RASEF: variants seen among roughly 807,000 people sequenced by gnomAD.
The protein encoded by RASEF is ras and EF-hand domain-containing protein.
In RASEF, 68 loss-of-function variants were observed where a neutral mutation model predicts 90.1. That is an observed-to-expected ratio of 0.75 (90% CI 0.62 to 0.92). The LOEUF (loss-of-function observed/expected upper bound fraction) is 0.92, where lower values mean the gene tolerates loss of function less well. RASEF is among the 40% of genes least tolerant of loss of function. RASEF has a pLI of 0.00. For missense variants in RASEF, 949 were observed against 937.2 expected (o/e 1.01, Z -0.16); for synonymous variants, 331 against 345.2 (o/e 0.96, Z 0.46).
At chr9:83,055,921 A>G (rs1193999465) in intron 1 of RASEF, among the ~76,000 whole-genome samples, 1 of 152,204 alleles carries the variant, frequency 6.6e-6, no homozygotes, top group East Asian at 1.9e-4. Flanking sequence ...TTTCCCATTC[A>G]TTATTCCACA....
At chr9:83,177,804 A>G in the RASEF span, among the ~76,000 whole-genome samples, 1 of 151,990 alleles carries the variant, frequency 6.6e-6, no homozygotes, top group Non-Finnish European at 1.5e-5. Context: ...AAATTTGGGA[A>G]GTTATTATTT....
the RASEF span, among the ~76,000 whole-genome samples, chr9:83,134,134 C>T: frequency 1.3e-5 from 2 of 151,936 alleles, no homozygotes; most frequent in Admixed American, 6.6e-5. Context: ...CCAAATGTAC[C>T]GAAGTGGAAT....
At chr9:83,164,348 T>TGTGTATATATATATAC in the RASEF span, among the ~76,000 whole-genome samples, 4 of 28,220 alleles carry the variant, frequency 1.4e-4, no homozygotes, top group Non-Finnish European at 4.6e-4. Context: ...TATATGTGTG[T>TGTGTATATATATATAC]ATATATATAT....
intron 8 of RASEF, 135 bp downstream of exon 8, chr9:83,005,281 T>C (rs1829108542): frequency 3.1e-6 from 2 of 643,230 alleles, no homozygotes; most frequent in Admixed American, 3.0e-5. Context: ...CCTCGTTTTA[T>C]TTTATGGAAA....
the RASEF span, among the ~76,000 whole-genome samples, chr9:83,189,555 T>C: frequency 3.6e-3 from 544 of 152,326 alleles, 2 homozygotes; most frequent in African/African-American, 0.012. Flanking sequence ...CTCTAAACCA[T>C]GTATTCTTTG....
chr9:83,132,482 C>G, the RASEF span, among the ~76,000 whole-genome samples: 2 of 152,162 alleles, frequency 1.3e-5, no homozygotes, highest in African/African-American at 4.8e-5. Context: ...ATTCCTGACC[C>G]ATGGACACTC....
At chr9:83,174,435 G>T in the RASEF span, among the ~76,000 whole-genome samples, 1 of 151,994 alleles carries the variant, frequency 6.6e-6, no homozygotes, top group Non-Finnish European at 1.5e-5. Context: ...TAATACTCTT[G>T]TAAAGCATCA....
the RASEF span, among the ~76,000 whole-genome samples, chr9:83,198,549 C>T: frequency 5.9e-5 from 9 of 152,148 alleles, no homozygotes; most frequent in Admixed American, 1.3e-4. Flanking sequence ...AAGGCAGCAC[C>T]ACAGGGAGAT....
intron 4 of RASEF, among the ~76,000 whole-genome samples, chr9:83,015,118 C>T (rs928264082): frequency 6.6e-6 from 1 of 152,156 alleles, no homozygotes; most frequent in African/African-American, 2.4e-5. Flanking sequence ...ATATTCATTT[C>T]ATTTAATAAA....
At chr9:83,058,257 A>G (rs1653761691) in intron 1 of RASEF, among the ~76,000 whole-genome samples, 1 of 127,496 alleles carries the variant, frequency 7.8e-6, no homozygotes, top group South Asian at 2.4e-4. Flanking sequence ...ATCTCGGCTC[A>G]CTGCAAGCTC....
the RASEF span, among the ~76,000 whole-genome samples, chr9:83,088,603 T>C: frequency 1.3e-4 from 20 of 152,164 alleles, no homozygotes; most frequent in African/African-American, 4.8e-4. Context: ...GCCTCTGTTG[T>C]TAGATGCAAA....
At chr9:83,143,872 T>C in the RASEF span, among the ~76,000 whole-genome samples, 6 of 152,118 alleles carry the variant, frequency 3.9e-5, no homozygotes, top group African/African-American at 1.4e-4. Flanking sequence ...TTCATAGCCA[T>C]ATTCACCATA....
At chr9:83,147,010 ATG>A in the RASEF span, among the ~76,000 whole-genome samples, 111,869 of 143,498 alleles carry the variant, frequency 0.78, 43,906 homozygotes, top group South Asian at 0.84. Flanking sequence ...GCGTGTGTAT[ATG>A]TGTGTGTGTG....
At chr9:83,156,410 G>T in the RASEF span, among the ~76,000 whole-genome samples, 7 of 152,290 alleles carry the variant, frequency 4.6e-5, no homozygotes, top group South Asian at 1.4e-3. Context: ...CCAGCTTTCA[G>T]TCTCTGTTGC....
At chr9:83,097,056 A>C in the RASEF span, among the ~76,000 whole-genome samples, 4 of 152,020 alleles carry the variant, frequency 2.6e-5, no homozygotes, top group Admixed American at 1.3e-4. Flanking sequence ...GGTTGGTTCC[A>C]AGTCTTTGCT....
chr9:83,054,847 T>TG (rs1830073950), intron 1 of RASEF: 1 of 151,668 alleles, frequency 6.6e-6, no homozygotes, highest in African/African-American at 2.5e-5. Context: ...GCCTCCCAGT[T>TG]AGGCTGCTTG....
chr9:83,178,488 T>A, the RASEF span, among the ~76,000 whole-genome samples: 2 of 152,116 alleles, frequency 1.3e-5, no homozygotes, highest in African/African-American at 4.8e-5. Context: ...CTTCTCTTGG[T>A]ACTCAAGATG....
chr9:82,993,952 G>A (rs1425625941), intron 14 of RASEF, among the ~76,000 whole-genome samples: 1 of 152,170 alleles, frequency 6.6e-6, no homozygotes, highest in African/African-American at 2.4e-5. Flanking sequence ...AAGACAACCT[G>A]ACTAGCACAG....
intron 12 of RASEF, 143 bp from the exon 13 acceptor site, chr9:82,998,589 T>C: frequency 3.4e-6 from 2 of 590,078 alleles, no homozygotes; most frequent in Non-Finnish European, 6.1e-6. Flanking sequence ...TTAAGGAGAG[T>C]GACCTTCAAA....
Sources: gnomAD v4.1 joint callset for allele counts (sites outside exome capture counted in the v4.1 genomes callset) on GRCh38, gnomAD v4.1.1 for gene constraint, MANE v1.5 for transcripts, NCBI Gene and HGNC (gene_info 2026-07-23, HGNC 2026-07-21) for gene names.